Variants in KIF11 observed in about 807,000 individuals in gnomAD.
KIF11 encodes kinesin family member 11.
A neutral mutation model predicts 121.0 loss-of-function variants in KIF11; 9 were observed. The observed-to-expected ratio is 0.07, with a 90% CI of 0.04 to 0.13. The LOEUF (loss-of-function observed/expected upper bound fraction) is 0.13, where lower values mean the gene tolerates loss of function less well. Ranked by LOEUF, KIF11 falls within the 10% of genes least tolerant of loss-of-function variation. The probability of loss-of-function intolerance (pLI) is 1.00; values close to 1 mark genes in which losing one functional copy is unlikely to be tolerated. For missense variants in KIF11, 846 were observed against 1,217.5 expected, an observed-to-expected ratio of 0.69 and a Z score of 4.54; for synonymous variants, 408 against 421.0, an observed-to-expected ratio of 0.97 and a Z score of 0.38.
intron 9 of KIF11, among the ~76,000 whole-genome samples, chr10:92,619,062 G>T (rs369756958): frequency 3.3e-5 from 5 of 151,980 alleles, no homozygotes; most frequent in Non-Finnish European, 7.4e-5. Context: ...TGTTGCCCAG[G>T]CTGGAGTGCA....
At chr10:92,640,882 G>A (rs1161653550) in intron 17 of KIF11, among the ~76,000 whole-genome samples, 1 of 152,116 alleles carries the variant, frequency 6.6e-6, no homozygotes, top group Non-Finnish European at 1.5e-5. Flanking sequence ...GAGTAGCTGG[G>A]ATTACAGGCA....
Position 92,639,876 on chromosome 10 carries a change from G to A in KIF11, c.2243G>A (p.Ser748Asn). 6.3e-7 allele frequency: 1 copy of A among 1,597,506 alleles called. No individual in the cohort carries two copies. Among genetic ancestry groups the A allele is most frequent in the Middle Eastern group, 1.7e-4 (1 of 6,030 alleles). Residue 748 changes from serine (S) to asparagine (N), a missense_variant, in exon 17 of 22, where the codon AGT (serine) becomes AAT (asparagine). Physicochemically the swap from Ser to Asn is conservative, Grantham distance 46. Coordinates refer to ENST00000260731, the MANE Select transcript of KIF11 (RefSeq NM_004523.4). ...EKCENIQKPL[S>N]SVQENIQQKS... is the part of the protein sequence containing the mutation. The stretch of plus-strand genomic sequence containing the variant: ...TGTGAAAATATACAGAAACCACTTA[G>A]TAGTGTCCAGGAAAATATACAGCAG...
At position 92,616,782 on chromosome 10, in the gene KIF11, T is replaced by C. The variant is rs1178433202; in HGVS notation, c.1078T>C (p.Leu360=). Residue 360 remains leucine (L), a synonymous_variant, in exon 9 of 22, where the codon TTG becomes CTG. Coordinates refer to ENST00000260731, the MANE Select transcript of KIF11 (RefSeq NM_004523.4). ...ATATGCTCATAGAGCAAAGAACATA[T>C]TGAATAAGCCTGAAGTGAATCAGAA... ...LEYAHRAKNI[L]NKPEVNQKLT... 26 of 1,607,930 alleles carry C rather than the reference T, an allele frequency of 1.6e-5. No individual in the cohort carries two copies. Among genetic ancestry groups the C allele is most frequent in the Non-Finnish European group, 1.8e-5 (21 of 1,177,302 alleles).
chr10:92,613,500 A>G lies in KIF11; in HGVS notation c.913A>G (p.Arg305Gly). 2 of 1,613,084 alleles carry G rather than the reference A, an allele frequency of 1.2e-6. No homozygotes were observed. Among genetic ancestry groups the G allele is most frequent in the South Asian group, 1.1e-5 (1 of 91,044 alleles). ...AAGGGTCATTACTGCCCTTGTAGAA[A>G]GAACACCTCATGTTCCTTATCGAGA... ...LGRVITALVE[R>G]TPHVPYRESK... Residue 305 changes from arginine to glycine, a missense_variant, in exon 8 of 22, where the codon AGA (arginine) becomes GGA (glycine). Physicochemically the swap from Arg to Gly is moderately radical, Grantham distance 125. Coordinates refer to ENST00000260731, the MANE Select transcript of KIF11 (RefSeq NM_004523.4). This position sits in a 1 kb window ranked among gnomAD's most constrained non-coding sequence, Gnocchi z 4.2.
intron 1 of KIF11, among the ~76,000 whole-genome samples, chr10:92,602,829 T>TACACAC (rs758185962): frequency 1.2e-4 from 10 of 86,320 alleles, no homozygotes; most frequent in African/African-American, 1.0e-3. Context: ...CACACACGTG[T>TACACAC]GTGTGTGTGT....
Position 92,639,781 on chromosome 10 carries a change from A to G in KIF11, c.2161-13A>G. ...AATTTTAAGTCTCTTCACTTCCCAC[A>G]CCTTTCTTACAGGAACTTTGCAAGT... is the stretch of plus-strand genomic sequence containing the variant. On this transcript the variant is annotated splice_polypyrimidine_tract_variant and intron_variant, in intron 16 of 21. Transcript: ENST00000260731. 1 of 1,525,112 alleles carries G rather than the reference A, an allele frequency of 6.6e-7. No individual in the cohort carries two copies. Among genetic ancestry groups the G allele is most frequent in the South Asian group, 1.2e-5 (1 of 85,992 alleles). The allele number at this position is 1,525,112 out of a possible 1,614,324, so 94.5% of individuals were successfully genotyped here.
chr10:92,633,635 C>A lies in KIF11; in HGVS notation c.1715C>A (p.Ser572Tyr). The A allele has an allele frequency of 6.2e-7, 1 of 1,603,978 alleles. No individual in the cohort carries two copies. The highest frequency in any genetic ancestry group is 8.5e-7 in the Non-Finnish European group (1 of 1,173,446). The part of the protein sequence containing the change: ...VHKTLFGNLL[S>Y]SSVSALDTIT... Reference sequence around the variant, plus strand: ...TTGTTTGTTATAGGTAATCTGCTGTCTTCCAGTGTCTCTGCATTAGATACC... The same window carrying A: ...TTGTTTGTTATAGGTAATCTGCTGTATTCCAGTGTCTCTGCATTAGATACC... Residue 572 changes from serine to tyrosine, a missense_variant, in exon 14 of 22, where the codon TCT becomes TAT. Ser to Tyr is a moderately radical substitution (Grantham distance 144, BLOSUM62 -2). This residue lies in a region of KIF11 where 492 missense variants were observed against 603.4 expected (regional missense o/e 0.82). Coordinates refer to ENST00000260731, the MANE Select transcript of KIF11 (RefSeq NM_004523.4).
chr10:92,641,282 A>AT (rs1205139054), intron 17 of KIF11, among the ~76,000 whole-genome samples: 1 of 152,120 alleles, frequency 6.6e-6, no homozygotes, highest in East Asian at 1.9e-4. Context: ...TATTTACCCT[A>AT]TTTTTCCCCA....
chr10:92,645,464 G>C lies in KIF11; in HGVS notation c.2369G>C (p.Gly790Ala), dbSNP rs772232382. The change falls in exon 18 of 22, where the codon GGT (glycine) becomes GCT (alanine). Residue 790 changes from glycine to alanine, a missense_variant. Physicochemically the swap from Gly to Ala is moderately conservative, Grantham distance 60. This residue lies in a region of KIF11 where 492 missense variants were observed against 603.4 expected (regional missense o/e 0.82). Coordinates refer to ENST00000260731, the MANE Select transcript of KIF11 (RefSeq NM_004523.4). The stretch of plus-strand genomic sequence containing the variant: ...GAACTCAGAAATTTTAACCAAGAAG[G>C]TACAAAATTGGTTGAAGAATCTGTG... ...SQELRNFNQE[G>A]TKLVEESVKH... is the part of the protein sequence containing the mutation. 4 of 1,613,978 alleles carry C rather than the reference G, an allele frequency of 2.5e-6. No homozygotes were observed. In the South Asian group the frequency reaches 4.4e-5, roughly 18 times the overall value.
chr10:92,634,917 T>C (rs572514609), intron 14 of KIF11, among the ~76,000 whole-genome samples: 2 of 152,354 alleles, frequency 1.3e-5, no homozygotes, highest in South Asian at 4.1e-4. Context: ...TGGGGACACA[T>C]ATCACTTCTT....
rs1053885075 is a variant in KIF11 at position 92,650,596 on chromosome 10, T to A, written c.3039+79T>A. On this transcript the variant is annotated intron_variant, in intron 21 of 21. Coordinates refer to ENST00000260731, the MANE Select transcript of KIF11 (RefSeq NM_004523.4). ...TTCATTATAAAGGTATTGTTCGTGG[T>A]GAGCAGAACAACAAAAACCTTTCAA... The A allele has an allele frequency of 1.1e-5, 9 of 826,418 alleles. No individual in the cohort carries two copies. In the Admixed American group the frequency reaches 1.5e-4, roughly 14 times the overall value. 51.2% of individuals were successfully genotyped at this position (826,418 alleles called of 1,614,324 possible).
At chr10:92,632,396 TTCTTATCAAGATAAA>T (rs767987432) in intron 12 of KIF11, 75 bp from the exon 13 acceptor site, 771 of 882,934 alleles carry the variant, frequency 8.7e-4, no homozygotes, top group Non-Finnish European at 1.0e-3. Context: ...AATTTACTAG[TTCTTATCAAGATAAA>T]TCCTTGTGTA....
intron 4 of KIF11, among the ~76,000 whole-genome samples, chr10:92,607,556 G>C (rs1343166737): frequency 1.3e-5 from 2 of 152,190 alleles, no homozygotes; most frequent in African/African-American, 4.8e-5. Context: ...GGAGGGCTTT[G>C]TATTGAAGGA....
chr10:92,645,619 C>G lies in KIF11; in HGVS notation c.2524C>G (p.Gln842Glu). Reference sequence around the variant, plus strand: ...GGTATCTTCCTTAAATGAAAGGGAACAGGAACTTCACAACTTATTGGAGGT... The same window carrying G: ...GGTATCTTCCTTAAATGAAAGGGAAGAGGAACTTCACAACTTATTGGAGGT... Reference protein sequence around the residue: ...QWVSSLNEREQELHNLLEVVS... With the variant: ...QWVSSLNEREEELHNLLEVVS... Residue 842 changes from glutamine (Q) to glutamate (E), a missense_variant, in exon 18 of 22, where the codon CAG (glutamine) becomes GAG (glutamate). Physicochemically the swap from Gln to Glu is conservative, Grantham distance 29. Around this residue, in one of 5 missense-constraint regions of KIF11, gnomAD observed 492 missense variants for 603.4 expected, o/e 0.82. Transcript: ENST00000260731. The G allele has an allele frequency of 6.2e-7, 1 of 1,601,722 alleles. No homozygotes were observed.
At chr10:92,607,358 G>C in intron 4 of KIF11, 121 bp downstream of exon 4, 1 of 603,626 alleles carries the variant, frequency 1.7e-6, no homozygotes, top group Non-Finnish European at 2.9e-6. Flanking sequence ...AATGAACTTA[G>C]GATAAACCAC....
chr10:92,616,284 A>G (rs1027973082), intron 8 of KIF11, among the ~76,000 whole-genome samples: 2 of 151,304 alleles, frequency 1.3e-5, no homozygotes, highest in Non-Finnish European at 2.9e-5. Context: ...TGTAACCTCA[A>G]CCTCCTGGCC....
intron 6 of KIF11, among the ~76,000 whole-genome samples, chr10:92,610,877 A>G (rs11599330): frequency 0.016 from 2,447 of 152,286 alleles, 31 homozygotes; most frequent in South Asian, 0.033. Context: ...ATTTTAATTA[A>G]ATTTTCACTT....
At chr10:92,640,717 A>G (rs1273852614) in intron 17 of KIF11, among the ~76,000 whole-genome samples, 1 of 152,054 alleles carries the variant, frequency 6.6e-6, no homozygotes, top group Non-Finnish European at 1.5e-5. Context: ...GGCGTGAGCC[A>G]CCACGCCCGG....
At chr10:92,633,832 A>G (rs1844764598) in intron 14 of KIF11, 37 bp downstream of exon 14, 4 of 1,295,246 alleles carry the variant, frequency 3.1e-6, no homozygotes, top group Non-Finnish European at 4.4e-6. Context: ...GAAGGGTTGC[A>G]TTTGATAAGT....
Sources: allele counts gnomAD v4.1 joint callset (sites outside exome capture counted in the v4.1 genomes callset), GRCh38; gene constraint gnomAD v4.1.1; regional missense constraint gnomAD v4.1.1; non-coding constraint Gnocchi (gnomAD v3.1); transcripts MANE v1.5; gene names NCBI Gene and HGNC (gene_info 2026-07-23, HGNC 2026-07-21).